The following NAA16 variants were observed in gnomAD, a reference collection of about 807,000 sequenced individuals.
NAA16 encodes NARG1-like protein.
NAA16 carries 97 observed loss-of-function variants against 110.3 expected under a neutral mutation model. The ratio of observed to expected loss-of-function variants is 0.88; its 90% confidence interval spans 0.75 to 1.04. The LOEUF (loss-of-function observed/expected upper bound fraction) is 1.04. Among genes scored for constraint, NAA16 ranks in the 50% least tolerant of loss-of-function variants. The pLI is 0.00. For missense variants in NAA16, 1,017 were observed against 1,005.1 expected (o/e 1.01, Z -0.16); for synonymous variants, 372 against 330.6 (o/e 1.13, Z -1.36).
rs78600285 is a variant in NAA16 at position 41,332,880 on chromosome 13, A to G, written c.907+1511A>G. 5.8e-3 allele frequency among the ~76,000 whole-genome samples: 880 copies of G among 152,292 alleles called. 4 individuals carry two copies. The highest frequency in any genetic ancestry group is 0.02 in the African/African-American group (852 of 41,562). On this transcript the variant is annotated intron_variant, in intron 8 of 19. Coordinates refer to ENST00000379406, the MANE Select transcript of NAA16 (RefSeq NM_024561.5). ...TGATTTTAAAAATTCATTTTATACT[A>G]TTGCATTTCAATTCCACATATGAAG...
chr13:41,360,590 A>G (rs2043092613), intron 12 of NAA16, among the ~76,000 whole-genome samples: 1 of 152,156 alleles, frequency 6.6e-6, no homozygotes, highest in Non-Finnish European at 1.5e-5. Context: ...CTGATCATCC[A>G]CTTTTGACAA....
At position 41,316,327 on chromosome 13, in the gene NAA16, G is replaced by A. The variant is rs1361919444; in HGVS notation, c.55-519G>A. Among the ~76,000 whole-genome samples the A allele has an allele frequency of 2.1e-5, 3 of 141,046 alleles. No homozygotes were observed. The South Asian group carries it at 6.7e-4, about 31-fold the overall frequency. The allele number at this position is 141,046 out of a possible 152,430, so 92.5% of individuals were successfully genotyped here. ...GTAATTTTTTTTTTTTTTTTTTTGA[G>A]ACAGAGTCTCGCTCTGTTTCCCAGG... On this transcript the variant is annotated intron_variant, in intron 1 of 19. Coordinates refer to ENST00000379406, the MANE Select transcript of NAA16 (RefSeq NM_024561.5).
Position 41,336,646 on chromosome 13 carries a change from C to T in NAA16, c.908-4C>T, listed in dbSNP as rs372443800. On this transcript the variant is annotated splice_polypyrimidine_tract_variant and splice_region_variant and intron_variant, in intron 8 of 19. Coordinates refer to ENST00000379406, the MANE Select transcript of NAA16 (RefSeq NM_024561.5). ...AGAATAACAAAGTACGCTTTTGTTT[C>T]TAGGTGAAAGATTTAGAGAACTAAT... 50 of 1,527,804 alleles carry T rather than the reference C, an allele frequency of 3.3e-5. No homozygotes were observed. In the African/African-American group the frequency reaches 6.2e-4, roughly 19 times the overall value. 94.6% of individuals were successfully genotyped at this position (1,527,804 alleles called of 1,614,324 possible).
intron 9 of NAA16, among the ~76,000 whole-genome samples, chr13:41,346,883 C>A (rs954535200): frequency 7.2e-5 from 11 of 152,076 alleles, no homozygotes; most frequent in Non-Finnish European, 1.3e-4. Flanking sequence ...GTGCCAGTGC[C>A]ATACTGTCTT....
At chr13:41,346,666 G>A (rs906731221) in intron 9 of NAA16, among the ~76,000 whole-genome samples, 1 of 152,120 alleles carries the variant, frequency 6.6e-6, no homozygotes, top group African/African-American at 2.4e-5. Flanking sequence ...TTAGGTAGAG[G>A]AGTAGTGCCT....
chr13:41,373,151 A>T, intron 17 of NAA16: 1 of 933,090 alleles, frequency 1.1e-6, no homozygotes, highest in South Asian at 5.0e-5. Context: ...AAGAGATGGT[A>T]GAAATTAGTG....
chr13:41,347,581 A>G (rs564843476), intron 9 of NAA16, among the ~76,000 whole-genome samples: 3 of 152,130 alleles, frequency 2.0e-5, no homozygotes, highest in Non-Finnish European at 4.4e-5. Context: ...ATTTGTTCCT[A>G]AGCATGCCAT....
At position 41,372,654 on chromosome 13, in the gene NAA16, TTAAG is replaced by T. The variant is rs1322933539; in HGVS notation, c.2057-76_2057-73del. The T allele has an allele frequency of 1.6e-5, 22 of 1,403,984 alleles. No homozygotes were observed. In the East Asian group the frequency reaches 2.6e-4, roughly 16 times the overall value. 87.0% of individuals were successfully genotyped at this position (1,403,984 alleles called of 1,614,324 possible). ...AAAAGGTAGCATTTTGTTGTTGAAC[TTAAG>T]TGAGACTGAAATAAAGTGAGGAAAA... On this transcript the variant is annotated intron_variant, in intron 16 of 19. Coordinates refer to ENST00000379406, the MANE Select transcript of NAA16 (RefSeq NM_024561.5).
At chr13:41,371,951 C>CT (rs2043328016) in intron 15 of NAA16, among the ~76,000 whole-genome samples, 1 of 152,004 alleles carries the variant, frequency 6.6e-6, no homozygotes, top group South Asian at 2.1e-4. Flanking sequence ...TGTGGAATAA[C>CT]TTTATGTATT....
At chr13:41,370,381 G>A (rs1476532701) in intron 15 of NAA16, among the ~76,000 whole-genome samples, 1 of 152,128 alleles carries the variant, frequency 6.6e-6, no homozygotes, top group Non-Finnish European at 1.5e-5. Context: ...AAGCCACAAA[G>A]GACATCTATT....
intron 2 of NAA16, among the ~76,000 whole-genome samples, chr13:41,318,046 T>A (rs1196574347): frequency 1.3e-5 from 2 of 152,114 alleles, no homozygotes; most frequent in Non-Finnish European, 1.5e-5. Flanking sequence ...ATAAAGTGAT[T>A]AGTGATTTTT....
intron 6 of NAA16, among the ~76,000 whole-genome samples, chr13:41,327,215 G>T (rs1013833463): frequency 2.0e-5 from 3 of 151,778 alleles, no homozygotes; most frequent in African/African-American, 7.3e-5. Flanking sequence ...TCATATTAAT[G>T]ACACTTTTAA....
intron 9 of NAA16, among the ~76,000 whole-genome samples, chr13:41,351,515 C>T (rs947925487): frequency 1.3e-4 from 19 of 151,710 alleles, no homozygotes; most frequent in Non-Finnish European, 2.5e-4. Flanking sequence ...CTCTTCATTG[C>T]GAAAAAAATG....
intron 15 of NAA16, among the ~76,000 whole-genome samples, chr13:41,371,270 T>A (rs1029311750): frequency 6.6e-6 from 1 of 152,252 alleles, no homozygotes; most frequent in Admixed American, 6.5e-5. Flanking sequence ...GGGTTCTGAT[T>A]ATTCAAGACT....
chr13:41,320,740 C>T lies in NAA16; in HGVS notation c.318C>T (p.Ala106=). 6.2e-7 allele frequency: 1 copy of T among 1,613,084 alleles called. No individual in the cohort carries two copies. Among genetic ancestry groups the T allele is most frequent in the Non-Finnish European group, 8.5e-7 (1 of 1,179,758 alleles). The change falls in exon 4 of 20, where the codon GCC becomes GCT. Residue 106 remains alanine (A), a synonymous_variant. Coordinates refer to ENST00000379406, the MANE Select transcript of NAA16 (RefSeq NM_024561.5). ...YDEAIKCYRN[A]LKLDKDNLQI... The stretch of plus-strand genomic sequence containing the variant: ...AAGCTATAAAATGTTACCGAAATGC[C>T]CTCAAATTAGATAAAGATAACCTGC...
chr13:41,316,378 C>T (rs2041811169), intron 1 of NAA16, among the ~76,000 whole-genome samples: 2 of 150,354 alleles, frequency 1.3e-5, no homozygotes, highest in South Asian at 4.2e-4. Context: ...GTGATCTCTG[C>T]TCACTGCAAC....
In NAA16 at chr13:41,335,069, T is replaced by C. The variant is rs376958755; in HGVS notation, c.908-1581T>C. 9.2e-5 allele frequency among the ~76,000 whole-genome samples: 14 copies of C among 152,306 alleles called. No individual in the cohort carries two copies. In the East Asian group the frequency reaches 2.7e-3, roughly 29 times the overall value. ...TCATACCTGCACAATCTAATCAAAT[T>C]TGTCAATATGATCTGAATAGACTGA... is the stretch of plus-strand genomic sequence containing the variant. On this transcript the variant is annotated intron_variant, in intron 8 of 19. Transcript: ENST00000379406.
At chr13:41,370,443 A>G (rs146941707) in intron 15 of NAA16, among the ~76,000 whole-genome samples, 29 of 152,320 alleles carry the variant, frequency 1.9e-4, no homozygotes, top group Non-Finnish European at 2.4e-4. Flanking sequence ...GGATAGGCTA[A>G]CTGTACCATT....
intron 9 of NAA16, among the ~76,000 whole-genome samples, chr13:41,349,427 T>C (rs1200584061): frequency 6.6e-6 from 1 of 151,920 alleles, no homozygotes; most frequent in Non-Finnish European, 1.5e-5. Flanking sequence ...AGTGATCCTC[T>C]CACTTAGGCA....
Sources: allele counts gnomAD v4.1 joint callset (sites outside exome capture counted in the v4.1 genomes callset), GRCh38; gene constraint gnomAD v4.1.1; transcripts MANE v1.5; gene names NCBI Gene and HGNC (gene_info 2026-07-23, HGNC 2026-07-21).